SLC22A24: variants seen among roughly 807,000 people sequenced by gnomAD.
SLC22A24 encodes steroid transmembrane transporter SLC22A24.
Under a neutral mutation model 49.8 loss-of-function variants are expected in SLC22A24, and 53 were observed. The ratio of observed to expected loss-of-function variants is 1.06; its 90% CI spans 0.85 to 1.34. The LOEUF is 1.34. Ranked by LOEUF, SLC22A24 falls within the 40% of genes most tolerant of loss-of-function variation. The probability of loss-of-function intolerance (pLI) is 0.00; values close to 1 mark genes in which losing one functional copy is unlikely to be tolerated. For missense variants in SLC22A24, 786 were observed against 675.9 expected, an observed-to-expected ratio of 1.16 and a Z score of -1.81; for synonymous variants, 302 against 256.4, an observed-to-expected ratio of 1.18 and a Z score of -1.70.
chr11:63,080,726 G>T (rs777110209), intron 9 of SLC22A24, among the ~76,000 whole-genome samples, 194 bp downstream of exon 9: 1 of 152,158 alleles, frequency 6.6e-6, no homozygotes, highest in Non-Finnish European at 1.5e-5. Flanking sequence ...GACATAGAGG[G>T]CCTCAAGAGT....
intron 2 of SLC22A24, among the ~76,000 whole-genome samples, chr11:63,131,387 A>G (rs1032925910): frequency 6.6e-6 from 1 of 151,984 alleles, no homozygotes; most frequent in African/African-American, 2.4e-5. Context: ...GGTCTTTACA[A>G]TTTGGTATGT....
rs750274735 is a variant in SLC22A24 at position 63,143,372 on chromosome 11, T to C, written c.402+6A>G. ...ATAAACAGAAGATTTACATGGGGCCTCTTACCTCAGTCACGATGGTGGAGA... is the reference window on the plus strand; with the variant it reads ...ATAAACAGAAGATTTACATGGGGCCCCTTACCTCAGTCACGATGGTGGAGA... On this transcript the variant is annotated splice_donor_region_variant and intron_variant, in intron 1 of 9. Coordinates refer to ENST00000612278, the MANE Select transcript of SLC22A24 (RefSeq NM_001136506.2). 1.4e-6 allele frequency: 2 copies of C among 1,442,372 alleles called. No homozygotes were observed. The highest frequency in any genetic ancestry group is 1.8e-6 in the Non-Finnish European group (2 of 1,095,794). 89.3% of individuals were successfully genotyped at this position (1,442,372 alleles called of 1,614,324 possible).
At chr11:63,099,371 ATTTTTTTTTTTTTTT>A (rs56708217) in intron 5 of SLC22A24, among the ~76,000 whole-genome samples, 2 of 52,320 alleles carry the variant, frequency 3.8e-5, no homozygotes, top group African/African-American at 7.4e-5. Context: ...AATTTTTAAG[ATTTTTTTTTTTTTTT>A]TTTTTTTTTT....
chr11:63,120,271 G>A (rs554105075), intron 2 of SLC22A24, among the ~76,000 whole-genome samples: 280 of 141,126 alleles, frequency 2.0e-3, no homozygotes, highest in African/African-American at 7.1e-3. Flanking sequence ...CATGGACACA[G>A]GAAGGGGAAT....
Position 63,083,250 on chromosome 11 carries a change from CA to C in SLC22A24, c.1277del (p.Leu426CysfsTer12), listed in dbSNP as rs755663117. 3.9e-6 allele frequency: 6 copies of C among 1,554,004 alleles called. No individual in the cohort carries two copies. The highest frequency in any genetic ancestry group is 5.2e-6 in the Non-Finnish European group (6 of 1,148,058). ...AACTCCTGTCTCTCTCACCTTGGGGCAAAAAGGTGTTGACCAGAATGAAAAG... is the reference window on the plus strand; with the variant it reads ...AACTCCTGTCTCTCTCACCTTGGGGCAAAAGGTGTTGACCAGAATGAAAAG... ...VGLFILVNTF[L>X]PQEMQILRVV... On this transcript the variant is annotated frameshift_variant, in exon 7 of 10. Coordinates refer to ENST00000612278, the MANE Select transcript of SLC22A24 (RefSeq NM_001136506.2). LOFTEE classifies it high-confidence loss of function.
intron 2 of SLC22A24, among the ~76,000 whole-genome samples, chr11:63,132,782 C>T (rs1400836420): frequency 1.3e-5 from 2 of 152,156 alleles, no homozygotes; most frequent in African/African-American, 4.8e-5. Flanking sequence ...GAGGAGGCAG[C>T]CTGTCTTTTC....
At chr11:63,093,531 T>C (rs992351244) in intron 6 of SLC22A24, among the ~76,000 whole-genome samples, 4 of 152,208 alleles carry the variant, frequency 2.6e-5, no homozygotes, top group Non-Finnish European at 5.9e-5. Context: ...AATGGAATGA[T>C]GTCCTTTGCA....
intron 6 of SLC22A24, among the ~76,000 whole-genome samples, chr11:63,087,741 G>C (rs2086996055): frequency 6.6e-6 from 1 of 152,178 alleles, no homozygotes; most frequent in African/African-American, 2.4e-5. Context: ...CTTGGTGGGG[G>C]GAGGGGTGTG....
At chr11:63,088,461 C>A (rs1362170535) in intron 6 of SLC22A24, among the ~76,000 whole-genome samples, 1 of 151,838 alleles carries the variant, frequency 6.6e-6, no homozygotes, top group Non-Finnish European at 1.5e-5. Context: ...TAGATAAATC[C>A]AAGAAGTTGA....
intron 6 of SLC22A24, among the ~76,000 whole-genome samples, chr11:63,083,914 T>C (rs1295929137): frequency 6.6e-6 from 1 of 152,118 alleles, no homozygotes; most frequent in Non-Finnish European, 1.5e-5. Context: ...ACTTCTCTGC[T>C]CCCGTTCAGA....
At chr11:63,131,260 G>A (rs1435627308) in intron 2 of SLC22A24, among the ~76,000 whole-genome samples, 2 of 151,876 alleles carry the variant, frequency 1.3e-5, no homozygotes, top group East Asian at 1.9e-4. Context: ...TTTGATTGGG[G>A]CATTTAGCCC....
chr11:63,138,025 T>C (rs953718720), intron 1 of SLC22A24: 1 of 152,956 alleles, frequency 6.5e-6, no homozygotes, highest in Non-Finnish European at 1.5e-5. Context: ...ATATCTGGTA[T>C]AGTTTGTGCT....
chr11:63,099,224 G>A (rs766163379), intron 5 of SLC22A24, among the ~76,000 whole-genome samples: 4 of 151,868 alleles, frequency 2.6e-5, no homozygotes, highest in Non-Finnish European at 5.9e-5. Context: ...TTGAGTTGCT[G>A]TCTCACTGTT....
chr11:63,118,347 TG>T (rs1454955765), intron 4 of SLC22A24, among the ~76,000 whole-genome samples: 3 of 152,180 alleles, frequency 2.0e-5, no homozygotes, highest in African/African-American at 4.8e-5. Flanking sequence ...TTCCCTAAAT[TG>T]CTGCAAGTCT....
chr11:63,105,514 G>A (rs1212050187), intron 4 of SLC22A24, among the ~76,000 whole-genome samples: 4 of 152,142 alleles, frequency 2.6e-5, no homozygotes, highest in African/African-American at 9.7e-5. Flanking sequence ...GCACCTGCAG[G>A]CTCAATACCA....
intron 6 of SLC22A24, among the ~76,000 whole-genome samples, chr11:63,095,647 A>T (rs1221093567): frequency 6.6e-6 from 1 of 152,142 alleles, no homozygotes; most frequent in African/African-American, 2.4e-5. Flanking sequence ...TGCAAAATTG[A>T]TCTAGACAGC....
At chr11:63,085,031 T>C (rs1590727252) in intron 6 of SLC22A24, among the ~76,000 whole-genome samples, 1 of 152,000 alleles carries the variant, frequency 6.6e-6, no homozygotes, top group Non-Finnish European at 1.5e-5. Context: ...ACAGAGCAGG[T>C]TTAAGAGAAA....
intron 5 of SLC22A24, among the ~76,000 whole-genome samples, chr11:63,096,441 C>G (rs1310873796): frequency 2.0e-5 from 3 of 152,148 alleles, no homozygotes; most frequent in African/African-American, 4.8e-5. Context: ...TTCTTATCCA[C>G]TGGGCATGAA....
At position 63,118,925 on chromosome 11, in the gene SLC22A24, A is replaced by T; in HGVS notation, c.817T>A (p.Phe273Ile). 1 of 1,552,160 alleles carries T rather than the reference A, an allele frequency of 6.4e-7. No individual in the cohort carries two copies. Among genetic ancestry groups the T allele is most frequent in the Admixed American group, 2.0e-5 (1 of 51,000 alleles). ...GATTGTTCATACCAAGAGGACAAGA[A>T]GAGGACAATTATGGGTGTAGACACA... Reference protein sequence around the residue: ...LTVSTPIIVLFLSSWKMVESA... With the variant: ...LTVSTPIIVLILSSWKMVESA... The change falls in exon 4 of 10, where the codon TTC (phenylalanine) becomes ATC (isoleucine). Residue 273 changes from phenylalanine to isoleucine, a missense_variant. Transcript: ENST00000612278.
Sources: gnomAD v4.1 joint callset for allele counts (sites outside exome capture counted in the v4.1 genomes callset) on GRCh38, gnomAD v4.1.1 for gene constraint, MANE v1.5 for transcripts, NCBI Gene and HGNC (gene_info 2026-07-23, HGNC 2026-07-21) for gene names.